The following EMID1 variants were observed in gnomAD, a reference collection of about 807,000 sequenced individuals.
EMID1 encodes the protein EMI domain-containing protein 1.
In EMID1, 40 loss-of-function variants were observed where a neutral mutation model predicts 60.6. That is an observed-to-expected ratio of 0.66 (90% CI 0.51 to 0.86). EMID1 has a LOEUF of 0.86. Ranked by LOEUF, EMID1 falls within the 40% of genes least tolerant of loss-of-function variation. The pLI, the probability that EMID1 is intolerant of heterozygous loss-of-function variation, is 0.00. For synonymous variants in EMID1, 242 were observed against 231.0 expected (o/e 1.05, Z -0.43); for missense variants, 585 against 597.1 (o/e 0.98, Z 0.21).
chr22:29,259,244 CA>C lies in EMID1; in HGVS notation c.*303del. The C allele has an allele frequency of 7.5e-6, 3 of 401,660 alleles. No homozygotes were observed. Among genetic ancestry groups the C allele is most frequent in the African/African-American group, 4.3e-5 (2 of 46,790 alleles). 24.9% of individuals were successfully genotyped at this position (401,660 alleles called of 1,614,324 possible). ...CATCTGCTGTCTGAGCATCCAGGCCCAAAGGCACTGAGGGAGTCAGGAGCTG... is the reference window on the plus strand; with the variant it reads ...CATCTGCTGTCTGAGCATCCAGGCCCAAGGCACTGAGGGAGTCAGGAGCTG... On this transcript the variant is annotated 3_prime_UTR_variant, in exon 15 of 15. Coordinates refer to ENST00000334018, the MANE Select transcript of EMID1 (RefSeq NM_133455.4).
intron 3 of EMID1, among the ~76,000 whole-genome samples, chr22:29,221,852 G>A (rs1364549996): frequency 6.6e-6 from 1 of 152,168 alleles, no homozygotes; most frequent in African/African-American, 2.4e-5. Flanking sequence ...TGAATCCAAA[G>A]CCAAAATTTT....
At chr22:29,207,084 C>T (rs760266974) in intron 1 of EMID1, among the ~76,000 whole-genome samples, 13 of 152,198 alleles carry the variant, frequency 8.5e-5, no homozygotes, top group Non-Finnish European at 1.5e-4. Flanking sequence ...CCTGCGCGGC[C>T]CCCACCCCCT....
intron 13 of EMID1, among the ~76,000 whole-genome samples, chr22:29,248,283 CT>C (rs2041403270): frequency 1.5e-5 from 1 of 67,584 alleles, no homozygotes; most frequent in African/African-American, 5.3e-5. Context: ...TTTTTTTTCA[CT>C]TTTTAAATGT....
chr22:29,218,551 G>A (rs1247411096), intron 3 of EMID1, among the ~76,000 whole-genome samples: 1 of 152,210 alleles, frequency 6.6e-6, no homozygotes, highest in African/African-American at 2.4e-5. Context: ...TCAGGAGGTG[G>A]GGAAGGGGTC....
intron 5 of EMID1, among the ~76,000 whole-genome samples, chr22:29,228,796 A>C (rs372089521): frequency 4.6e-5 from 7 of 152,174 alleles, no homozygotes; most frequent in East Asian, 1.9e-4. Context: ...GGGTCTTGCT[A>C]TGTTTCCTAA....
At chr22:29,225,377 T>C (rs573356389) in intron 4 of EMID1, among the ~76,000 whole-genome samples, 161 bp downstream of exon 4, 1 of 152,290 alleles carries the variant, frequency 6.6e-6, no homozygotes, top group Non-Finnish European at 1.5e-5. Flanking sequence ...CTACAAAAGT[T>C]GCTTCAAGGG....
intron 13 of EMID1, among the ~76,000 whole-genome samples, chr22:29,246,079 C>T (rs1476637921): frequency 1.3e-5 from 2 of 152,240 alleles, no homozygotes; most frequent in Admixed American, 1.3e-4. Context: ...TTAGCATCCT[C>T]CCGGAGGAGC....
intron 13 of EMID1, among the ~76,000 whole-genome samples, chr22:29,243,720 T>G (rs1602023944): frequency 6.6e-6 from 1 of 152,300 alleles, no homozygotes; most frequent in African/African-American, 2.4e-5. Context: ...GCCTTCTGTC[T>G]CAGTCTCTGT....
chr22:29,231,541 G>A (rs2040746634), intron 6 of EMID1, 52 bp from the exon 7 acceptor site: 1 of 1,532,616 alleles, frequency 6.5e-7, no homozygotes, highest in African/African-American at 1.4e-5. Flanking sequence ...GGGCCAGGGT[G>A]GGGGTCAAGA....
rs1052167826 is a variant in EMID1 at position 29,259,085 on chromosome 22, G to A, written c.*141G>A. The A allele has an allele frequency of 7.6e-7, 1 of 1,319,302 alleles. No homozygotes were observed. Among genetic ancestry groups the A allele is most frequent in the African/African-American group, 1.5e-5 (1 of 66,514 alleles). The allele number at this position is 1,319,302 out of a possible 1,614,324, so 81.7% of individuals were successfully genotyped here. On this transcript the variant is annotated 3_prime_UTR_variant, in exon 15 of 15. Coordinates refer to ENST00000334018, the MANE Select transcript of EMID1 (RefSeq NM_133455.4). ...GCCATCTAGGCCTTAGGGGTAAGCA[G>A]GTCTCAGTCCTGGCACCATGCACAT... is the stretch of plus-strand genomic sequence containing the variant.
At chr22:29,243,223 A>G (rs193273970) in intron 12 of EMID1, among the ~76,000 whole-genome samples, 122 of 152,302 alleles carry the variant, frequency 8.0e-4, no homozygotes, top group Admixed American at 2.1e-3. Context: ...ACCCAATGCC[A>G]TTCCCTTCTT....
At chr22:29,250,214 C>T (rs2041475424) in intron 13 of EMID1, among the ~76,000 whole-genome samples, 1 of 152,220 alleles carries the variant, frequency 6.6e-6, no homozygotes, top group Non-Finnish European at 1.5e-5. Flanking sequence ...CATGATCATA[C>T]CACTGCATTC....
intron 1 of EMID1, among the ~76,000 whole-genome samples, chr22:29,206,412 C>T (rs1349376323): frequency 6.6e-6 from 1 of 152,262 alleles, no homozygotes; most frequent in South Asian, 2.1e-4. Flanking sequence ...AGCCCTGGCC[C>T]TTCTGTTCCC....
At chr22:29,234,003 G>A in intron 10 of EMID1, 134 bp from the exon 11 acceptor site, 2 of 938,104 alleles carry the variant, frequency 2.1e-6, no homozygotes, top group Non-Finnish European at 3.2e-6. Context: ...ACTGACTGCG[G>A]TGTGCTGGGT....
rs755080930 is a variant in EMID1 at position 29,231,638 on chromosome 22, G to T, written c.632G>T (p.Gly211Val). 6.7e-7 allele frequency: 1 copy of T among 1,496,888 alleles called. No individual in the cohort carries two copies. The allele number at this position is 1,496,888 out of a possible 1,614,324, so 92.7% of individuals were successfully genotyped here. A position where few individuals can be genotyped will look rare whatever the true frequency, so the allele number is the denominator to read the frequency against. Residue 211 changes from glycine (G) to valine (V), a missense_variant, in exon 7 of 15, where the codon GGA (glycine) becomes GTA (valine). Coordinates refer to ENST00000334018, the MANE Select transcript of EMID1 (RefSeq NM_133455.4). The stretch of plus-strand genomic sequence containing the variant: ...CTTCCCGGGCCCACCGGCCCCAAGG[G>T]AGATGCCGGCAGTCGGGGCCCAATG... ...WGLPGPTGPKGDAGSRGPMGM... is the reference protein window; with the variant it reads ...WGLPGPTGPKVDAGSRGPMGM...
At chr22:29,229,668 C>G (rs1021593087) in intron 5 of EMID1, among the ~76,000 whole-genome samples, 1 of 151,796 alleles carries the variant, frequency 6.6e-6, no homozygotes, top group African/African-American at 2.4e-5. Context: ...AAGAAGATGC[C>G]CCTGATTTAT....
At chr22:29,215,651 C>T in intron 3 of EMID1, 21 bp downstream of exon 3, 1 of 1,606,896 alleles carries the variant, frequency 6.2e-7, no homozygotes. Flanking sequence ...CCGGCCGGCT[C>T]CCGGAGCCCT....
chr22:29,259,132 G>A lies in EMID1; in HGVS notation c.*188G>A, dbSNP rs1213367938. ...ACATGTCTGAGGCTGAGCAAGGGCT[G>A]AGAGGAGAGGCTTGGGCCTCAGTTT... On this transcript the variant is annotated 3_prime_UTR_variant, in exon 15 of 15. Transcript: ENST00000334018. 2.3e-6 allele frequency: 2 copies of A among 886,548 alleles called. No individual in the cohort carries two copies. The highest frequency in any genetic ancestry group is 3.0e-5 in the East Asian group (1 of 33,356). 54.9% of individuals were successfully genotyped at this position (886,548 alleles called of 1,614,324 possible).
chr22:29,245,173 C>A (rs1290047039), intron 13 of EMID1, among the ~76,000 whole-genome samples: 1 of 152,150 alleles, frequency 6.6e-6, no homozygotes, highest in African/African-American at 2.4e-5. Context: ...CTCCTCCTAC[C>A]CCATACCCAT....
Sources: gnomAD v4.1 joint callset for allele counts (sites outside exome capture counted in the v4.1 genomes callset) on GRCh38, gnomAD v4.1.1 for gene constraint, MANE v1.5 for transcripts, NCBI Gene and HGNC (gene_info 2026-07-23, HGNC 2026-07-21) for gene names.